Variants in ZFAND3 observed in about 807,000 individuals in gnomAD.
ZFAND3 encodes the protein zinc finger AN1-type containing 3.
A neutral mutation model predicts 29.6 loss-of-function variants in ZFAND3; 10 were observed. That is an observed-to-expected ratio of 0.34 (90% CI 0.21 to 0.57). The LOEUF (loss-of-function observed/expected upper bound fraction) is 0.57. Ranked by LOEUF, ZFAND3 falls within the 20% of genes least tolerant of loss-of-function variation. The pLI is 0.86. For synonymous variants in ZFAND3, 128 were observed against 112.6 expected, an observed-to-expected ratio of 1.14 and a Z score of -0.87; for missense variants, 230 against 304.5, an observed-to-expected ratio of 0.76 and a Z score of 1.82.
Position 38,103,542 on chromosome 6 carries a change from C to G in ZFAND3, c.362-13030C>G, listed in dbSNP as rs187467620. Among the ~76,000 whole-genome samples, 416 of 122,440 alleles carry G rather than the reference C, an allele frequency of 3.4e-3. 1 individual carries two copies. Among genetic ancestry groups the G allele is most frequent in the Non-Finnish European group, 4.6e-3 (253 of 55,360 alleles). The allele number at this position is 122,440 out of a possible 152,430, so 80.3% of individuals were successfully genotyped here. On this transcript the variant is annotated intron_variant, in intron 4 of 5. Transcript: ENST00000287218. ...ATATACACATATATATACACACACA[C>G]ATACATACATACACACTTCACGGAC...
intron 4 of ZFAND3, among the ~76,000 whole-genome samples, chr6:38,114,173 T>C (rs1313872665): frequency 1.3e-5 from 2 of 152,204 alleles, no homozygotes; most frequent in Non-Finnish European, 2.9e-5. Flanking sequence ...AAACATTTTT[T>C]GTTACAGTTT....
intron 1 of ZFAND3, among the ~76,000 whole-genome samples, chr6:37,901,430 T>C (rs1182841184): frequency 6.6e-6 from 1 of 152,110 alleles, no homozygotes; most frequent in Non-Finnish European, 1.5e-5. Context: ...CTGGGCAACA[T>C]GGTGAAAACC....
At chr6:38,080,388 C>T (rs954008492) in intron 3 of ZFAND3, among the ~76,000 whole-genome samples, 2 of 151,934 alleles carry the variant, frequency 1.3e-5, no homozygotes, top group Non-Finnish European at 2.9e-5. Flanking sequence ...CGTTATTAAG[C>T]ATTCACTGTC....
intron 2 of ZFAND3, among the ~76,000 whole-genome samples, chr6:38,043,709 C>T (rs1561978111): frequency 6.6e-6 from 1 of 152,006 alleles, no homozygotes; most frequent in African/African-American, 2.4e-5. Context: ...TCTCCAGGGT[C>T]CAAGGACTCC....
chr6:38,016,709 A>T (rs1263154954), intron 2 of ZFAND3, among the ~76,000 whole-genome samples: 1 of 152,236 alleles, frequency 6.6e-6, no homozygotes, highest in Non-Finnish European at 1.5e-5. Flanking sequence ...AGATATAGGT[A>T]CAACAAATGA....
At chr6:38,115,186 G>A (rs1053577165) in intron 4 of ZFAND3, among the ~76,000 whole-genome samples, 3 of 152,232 alleles carry the variant, frequency 2.0e-5, no homozygotes, top group African/African-American at 7.2e-5. Flanking sequence ...TCACCATCAG[G>A]GGCCTGGGTG....
chr6:37,880,010 G>A (rs1764862524), intron 1 of ZFAND3, among the ~76,000 whole-genome samples: 1 of 152,196 alleles, frequency 6.6e-6, no homozygotes, highest in African/African-American at 2.4e-5. Context: ...AGCTTTTAGA[G>A]GTTGTGAGAT....
intron 1 of ZFAND3, among the ~76,000 whole-genome samples, chr6:37,826,796 A>G (rs1358392949): frequency 2.0e-5 from 3 of 152,090 alleles, no homozygotes; most frequent in African/African-American, 7.2e-5. Flanking sequence ...CTAAAACTGT[A>G]TCCTAGAATG....
chr6:38,080,510 A>T (rs1045873798), intron 3 of ZFAND3, among the ~76,000 whole-genome samples: 2 of 152,106 alleles, frequency 1.3e-5, no homozygotes, highest in Non-Finnish European at 2.9e-5. Flanking sequence ...ATGGTTTATG[A>T]CATCTTTCTG....
chr6:37,879,329 T>C (rs933453252), intron 1 of ZFAND3, among the ~76,000 whole-genome samples: 3 of 151,354 alleles, frequency 2.0e-5, no homozygotes, highest in African/African-American at 7.3e-5. Flanking sequence ...TTTTTTTTGT[T>C]TTTTGTTTTG....
chr6:38,111,121 C>G (rs571861128), intron 4 of ZFAND3, among the ~76,000 whole-genome samples: 2 of 152,284 alleles, frequency 1.3e-5, no homozygotes, highest in East Asian at 3.9e-4. Flanking sequence ...AAACTGTGTT[C>G]TTAAATTGAA....
At chr6:37,968,015 G>A (rs934165720) in intron 2 of ZFAND3, among the ~76,000 whole-genome samples, 2 of 152,150 alleles carry the variant, frequency 1.3e-5, no homozygotes, top group Admixed American at 6.5e-5. Context: ...TGCCCTGCTG[G>A]TAGGAGAGCA....
At chr6:38,079,908 G>C (rs142111405) in intron 3 of ZFAND3, among the ~76,000 whole-genome samples, 172 of 152,226 alleles carry the variant, frequency 1.1e-3, no homozygotes, top group African/African-American at 3.9e-3. Flanking sequence ...GACTTTCTGG[G>C]TGTTGGGAAT....
chr6:38,089,512 A>C (rs1460148801), intron 4 of ZFAND3, among the ~76,000 whole-genome samples: 1 of 152,212 alleles, frequency 6.6e-6, no homozygotes. Context: ...TCTGGAAGTT[A>C]AGAGAAGATT....
At chr6:37,929,795 G>T (rs1189278379) in intron 1 of ZFAND3, among the ~76,000 whole-genome samples, 164 bp from the exon 2 acceptor site, 2 of 151,160 alleles carry the variant, frequency 1.3e-5, no homozygotes, top group Non-Finnish European at 2.9e-5. Context: ...TTTGTTGAGG[G>T]GGGAGTGGTG....
chr6:37,872,404 G>C (rs1190563546), intron 1 of ZFAND3, among the ~76,000 whole-genome samples: 3 of 152,084 alleles, frequency 2.0e-5, no homozygotes, highest in Non-Finnish European at 2.9e-5. Flanking sequence ...AGTAATCTTA[G>C]GAAGTATCTC....
intron 3 of ZFAND3, among the ~76,000 whole-genome samples, chr6:38,068,478 C>T (rs4714125): frequency 0.37 from 56,029 of 151,950 alleles, 11,095 homozygotes; most frequent in East Asian, 0.58. Flanking sequence ...CCCTGTTTTA[C>T]AGAGTTCTTT....
intron 1 of ZFAND3, among the ~76,000 whole-genome samples, chr6:37,855,849 C>A (rs1764372314): frequency 6.6e-6 from 1 of 152,120 alleles, no homozygotes; most frequent in African/African-American, 2.4e-5. Context: ...TGCATAGAAA[C>A]TTTATAAAAT....
In ZFAND3 at chr6:37,965,846, C is replaced by T. The variant is rs554162985; in HGVS notation, c.112+35847C>T. Among the ~76,000 whole-genome samples the T allele has an allele frequency of 2.9e-3, 449 of 152,224 alleles. 1 individual carries two copies. Among genetic ancestry groups the T allele is most frequent in the African/African-American group, 9.9e-3 (412 of 41,522 alleles). ...GCATGATCATGGCTCACTTCAGCCT[C>T]GGCCTCCCTGGGTTCAGGTAACCTT... On this transcript the variant is annotated intron_variant, in intron 2 of 5. Transcript: ENST00000287218.
Sources: gnomAD v4.1 joint callset for allele counts (sites outside exome capture counted in the v4.1 genomes callset) on GRCh38, gnomAD v4.1.1 for gene constraint, MANE v1.5 for transcripts, NCBI Gene and HGNC (gene_info 2026-07-23, HGNC 2026-07-21) for gene names.